AMDHD1: variants seen among roughly 807,000 people sequenced by gnomAD.
The protein encoded by AMDHD1 is probable imidazolonepropionase.
AMDHD1 carries 45 observed loss-of-function variants against 44.1 expected under a neutral mutation model. The ratio of observed to expected loss-of-function variants is 1.02; its 90% CI spans 0.80 to 1.31. AMDHD1 has a LOEUF of 1.31. Among genes scored for constraint, AMDHD1 ranks in the 50% most tolerant of loss-of-function variants. AMDHD1 has a pLI of 0.00. For missense variants in AMDHD1, 586 were observed against 552.1 expected (o/e 1.06, Z -0.61); for synonymous variants, 206 against 205.0 (o/e 1.00, Z -0.04).
chr12:95,965,796 T>C lies in AMDHD1; in HGVS notation c.1032+17T>C, dbSNP rs759352781. ...TTTTCAATGGTAATTATTTTTTTCA[T>C]GTACCTTTCTGAGCAGAGTATCTAC... is the stretch of plus-strand genomic sequence containing the variant. On this transcript the variant is annotated intron_variant, in intron 7 of 8. Transcript: ENST00000266736. 1 of 1,524,460 alleles carries C rather than the reference T, an allele frequency of 6.6e-7. No homozygotes were observed. Among genetic ancestry groups the C allele is most frequent in the Non-Finnish European group, 9.1e-7 (1 of 1,103,604 alleles). 94.4% of individuals were successfully genotyped at this position (1,524,460 alleles called of 1,614,324 possible). A position where few individuals can be genotyped will look rare whatever the true frequency, so the allele number is the denominator to read the frequency against.
intron 4 of AMDHD1, among the ~76,000 whole-genome samples, chr12:95,957,437 C>T (rs1199121439): frequency 6.6e-6 from 1 of 152,044 alleles, no homozygotes; most frequent in Non-Finnish European, 1.5e-5. Flanking sequence ...TTAGCCTTCC[C>T]CTTTATCTAA....
Position 95,956,798 on chromosome 12 carries a change from G to A in AMDHD1, c.423G>A (p.Arg141=). ...EEELFRSLQQ[R]LQCMMRAGTT... ...AGCTGTTCCGCTCCTTGCAGCAACGGCTCCAGTGCATGATGAGGGCTGGCA... is the reference window on the plus strand; with the variant it reads ...AGCTGTTCCGCTCCTTGCAGCAACGACTCCAGTGCATGATGAGGGCTGGCA... Residue 141 remains arginine (R), a synonymous_variant, in exon 4 of 9, where the codon CGG becomes CGA. Transcript: ENST00000266736. 6.2e-7 allele frequency: 1 copy of A among 1,614,226 alleles called. No individual in the cohort carries two copies. The highest frequency in any genetic ancestry group is 1.1e-5 in the South Asian group (1 of 91,086).
chr12:95,946,579 C>CGGGAGAGGTGTCAGATTTATCTA lies in AMDHD1; in HGVS notation c.137+3044_137+3045insGGGAGAGGTGTCAGATTTATCTA, dbSNP rs1592819999. 7.6e-4 allele frequency among the ~76,000 whole-genome samples: 7 copies of CGGGAGAGGTGTCAGATTTATCTA among 9,230 alleles called. 2 individuals are homozygous for CGGGAGAGGTGTCAGATTTATCTA. Among genetic ancestry groups the CGGGAGAGGTGTCAGATTTATCTA allele is most frequent in the East Asian group, 8.3e-3 (2 of 240 alleles). The allele number at this position is 9,230 out of a possible 152,430, so 6.1% of individuals were successfully genotyped here. A position where few individuals can be genotyped will look rare whatever the true frequency, so the allele number is the denominator to read the frequency against. On this transcript the variant is annotated intron_variant, in intron 1 of 8. Coordinates refer to ENST00000266736, the MANE Select transcript of AMDHD1 (RefSeq NM_152435.3). ...TGCAGGCTTATTATAAGAGACTGCT[C>CGGGAGAGGTGTCAGATTTATCTA]CCCCTCCCCCTCCCCCTCCCCCTCC... is the stretch of plus-strand genomic sequence containing the variant.
chr12:95,951,213 C>T (rs2080524505), intron 1 of AMDHD1, among the ~76,000 whole-genome samples: 1 of 152,172 alleles, frequency 6.6e-6, no homozygotes, highest in South Asian at 2.1e-4. Context: ...TAGCCATTAA[C>T]AATCCCCATT....
intron 4 of AMDHD1, among the ~76,000 whole-genome samples, chr12:95,959,915 C>T (rs1272520587): frequency 6.6e-6 from 1 of 150,866 alleles, no homozygotes; most frequent in Non-Finnish European, 1.5e-5. Flanking sequence ...CTTGCCTCAG[C>T]CTCCTGAGTA....
At chr12:95,957,827 T>C (rs2080559822) in intron 4 of AMDHD1, among the ~76,000 whole-genome samples, 1 of 152,072 alleles carries the variant, frequency 6.6e-6, no homozygotes, top group African/African-American at 2.4e-5. Context: ...CCAAGGCAGG[T>C]GGATCGCTTG....
chr12:95,959,541 T>C (rs1478335070), intron 4 of AMDHD1, among the ~76,000 whole-genome samples: 2 of 152,126 alleles, frequency 1.3e-5, no homozygotes, highest in African/African-American at 4.8e-5. Flanking sequence ...CCCCAGTTGC[T>C]GGGATTATAG....
At chr12:95,945,879 A>G (rs2080493093) in intron 1 of AMDHD1, among the ~76,000 whole-genome samples, 1 of 152,052 alleles carries the variant, frequency 6.6e-6, no homozygotes, top group Non-Finnish European at 1.5e-5. Context: ...CCTATATGCT[A>G]TAGATATATA....
intron 1 of AMDHD1, among the ~76,000 whole-genome samples, chr12:95,947,658 T>A (rs1235459078): frequency 1.7e-5 from 1 of 57,358 alleles, no homozygotes; most frequent in Non-Finnish European, 3.0e-5. Context: ...AGCCGCCCCG[T>A]CCGGGAGGTG....
intron 4 of AMDHD1, 136 bp downstream of exon 4, chr12:95,957,098 C>T (rs924457092): frequency 1.6e-6 from 2 of 1,224,454 alleles, no homozygotes; most frequent in African/African-American, 3.0e-5. Flanking sequence ...CTAATGGCCA[C>T]TCATCCCGCA....
At chr12:95,946,043 TTC>T (rs1006980924) in intron 1 of AMDHD1, among the ~76,000 whole-genome samples, 2 of 140,986 alleles carry the variant, frequency 1.4e-5, no homozygotes, top group Non-Finnish European at 3.0e-5. Flanking sequence ...TTAAATTAAG[TTC>T]TCTCTCTCTT....
rs1257855500 is a variant in AMDHD1 at position 95,948,613 on chromosome 12, A to C, written c.138-4104A>C. Among the ~76,000 whole-genome samples, 4 of 80,002 alleles carry C rather than the reference A, an allele frequency of 5.0e-5. 2 individuals carry two copies. Among genetic ancestry groups the C allele is most frequent in the Non-Finnish European group, 9.6e-5 (4 of 41,562 alleles). 52.5% of individuals were successfully genotyped at this position (80,002 alleles called of 152,430 possible). A position where few individuals can be genotyped will look rare whatever the true frequency, so the allele number is the denominator to read the frequency against. On this transcript the variant is annotated intron_variant, in intron 1 of 8. Coordinates refer to ENST00000266736, the MANE Select transcript of AMDHD1 (RefSeq NM_152435.3). Reference sequence around the variant, plus strand: ...TGAGGGGCGCCTCTGCCCAGCCACCACCCCGTCTGGGAGGTGTGCCCAACA... The same window carrying C: ...TGAGGGGCGCCTCTGCCCAGCCACCCCCCCGTCTGGGAGGTGTGCCCAACA...
intron 5 of AMDHD1, 27 bp downstream of exon 5, chr12:95,960,650 C>G (rs12369577): frequency 4.4e-6 from 7 of 1,593,204 alleles, no homozygotes; most frequent in Non-Finnish European, 6.0e-6. Flanking sequence ...GTTTTTCCCT[C>G]GTCAACATTC....
At chr12:95,949,666 C>T (rs868117207) in intron 1 of AMDHD1, among the ~76,000 whole-genome samples, 6 of 152,160 alleles carry the variant, frequency 3.9e-5, no homozygotes, top group Non-Finnish European at 8.8e-5. Context: ...AATAGAATCA[C>T]ATAAAAATGC....
chr12:95,961,838 A>G (rs965496493), intron 5 of AMDHD1, among the ~76,000 whole-genome samples: 1 of 152,258 alleles, frequency 6.6e-6, no homozygotes, highest in Non-Finnish European at 1.5e-5. Context: ...GTGTTTAAGA[A>G]TAGTTTTTGA....
intron 1 of AMDHD1, among the ~76,000 whole-genome samples, chr12:95,946,553 A>G (rs1364647671): frequency 3.4e-5 from 5 of 148,588 alleles, no homozygotes; most frequent in Admixed American, 6.8e-5. Flanking sequence ...AGATGTGTGC[A>G]TGCAGGCTTA....
intron 1 of AMDHD1, among the ~76,000 whole-genome samples, chr12:95,945,630 G>C (rs1045565000): frequency 6.6e-6 from 1 of 152,162 alleles, no homozygotes; most frequent in Non-Finnish European, 1.5e-5. Flanking sequence ...TGTGTTCAAG[G>C]ACAACTTAAT....
At chr12:95,966,943 C>T (rs970369934) in intron 8 of AMDHD1, among the ~76,000 whole-genome samples, 1 of 152,226 alleles carries the variant, frequency 6.6e-6, no homozygotes, top group Non-Finnish European at 1.5e-5. Context: ...GGTGACTTAT[C>T]ACTCACCCAC....
Position 95,956,674 on chromosome 12 carries a change from C to CGT in AMDHD1, c.310-6_310-5dup, listed in dbSNP as rs773837719. On this transcript the variant is annotated splice_polypyrimidine_tract_variant and intron_variant, in intron 3 of 8. Transcript: ENST00000266736. ...GGCATGTGCTGGCCTAAAGGTGAGG[C>CGT]GTGTGTTCAGTTGGCAGGAGCCACC... The CGT allele has an allele frequency of 6.2e-7, 1 of 1,612,940 alleles. No individual in the cohort carries two copies. Among genetic ancestry groups the CGT allele is most frequent in the South Asian group, 1.1e-5 (1 of 91,024 alleles).
Sources: allele counts gnomAD v4.1 joint callset (sites outside exome capture counted in the v4.1 genomes callset), GRCh38; gene constraint gnomAD v4.1.1; transcripts MANE v1.5; gene names NCBI Gene and HGNC (gene_info 2026-07-23, HGNC 2026-07-21).